Variants in CORO2B observed in about 807,000 individuals in gnomAD.
CORO2B encodes coronin-2B.
A neutral mutation model predicts 58.8 loss-of-function variants in CORO2B; 26 were observed. The ratio of observed to expected loss-of-function variants is 0.44; its 90% CI spans 0.32 to 0.61. The LOEUF is 0.61. Ranked by LOEUF, CORO2B falls within the 20% of genes least tolerant of loss-of-function variation. CORO2B has a pLI of 0.04. For synonymous variants in CORO2B, 242 were observed against 253.8 expected, an observed-to-expected ratio of 0.95 and a Z score of 0.44; for missense variants, 460 against 645.1, an observed-to-expected ratio of 0.71 and a Z score of 3.11.
Position 68,650,858 on chromosome 15 carries a change from T to TC in CORO2B, c.216+5499dup, listed in dbSNP as rs564529835. Among the ~76,000 whole-genome samples, 75 of 152,278 alleles carry TC rather than the reference T, an allele frequency of 4.9e-4. 1 individual carries two copies. The South Asian group carries it at 0.015, about 30-fold the overall frequency. ...GAGGCCCTACAGGCCAGAGAGGGGC[T>TC]CAGTGCAGGGTGTGCACTGGGTAAA... On this transcript the variant is annotated intron_variant, in intron 2 of 11. Transcript: ENST00000261861.
intron 2 of CORO2B, among the ~76,000 whole-genome samples, chr15:68,687,862 C>T (rs573122524): frequency 7.9e-5 from 12 of 152,356 alleles, no homozygotes; most frequent in African/African-American, 2.6e-4. Context: ...AACTAACCCA[C>T]TCCCAAGATA....
the CORO2B span, among the ~76,000 whole-genome samples, chr15:68,560,248 CTTTCT>C: frequency 3.9e-5 from 6 of 152,016 alleles, no homozygotes; most frequent in Admixed American, 3.9e-4. Flanking sequence ...CTTTCTTTCT[CTTTCT>C]TTTTTCTTTT....
chr15:68,548,865 T>A, the CORO2B span, among the ~76,000 whole-genome samples: 1 of 152,226 alleles, frequency 6.6e-6, no homozygotes, highest in Non-Finnish European at 1.5e-5. Flanking sequence ...ATATTCTTAG[T>A]CCATTTTTAT....
At chr15:68,707,306 ACT>A (rs553742622) in intron 3 of CORO2B, among the ~76,000 whole-genome samples, 56 of 152,242 alleles carry the variant, frequency 3.7e-4, no homozygotes, top group Non-Finnish European at 6.2e-4. Context: ...GCAGTCTCAG[ACT>A]CTGTGGGTTA....
chr15:68,709,583 A>C (rs891901184), intron 3 of CORO2B, among the ~76,000 whole-genome samples: 9 of 150,290 alleles, frequency 6.0e-5, no homozygotes, highest in African/African-American at 2.0e-4. Flanking sequence ...CAGCCTCCCG[A>C]GTAGCTGGGA....
chr15:68,615,325 G>C (rs371942469), intron 1 of CORO2B, among the ~76,000 whole-genome samples: 9 of 152,132 alleles, frequency 5.9e-5, no homozygotes, highest in African/African-American at 2.2e-4. Context: ...CATTTTCCCT[G>C]GACCAGGACT....
At chr15:68,609,723 C>T (rs1189951841) in intron 1 of CORO2B, among the ~76,000 whole-genome samples, 1 of 152,224 alleles carries the variant, frequency 6.6e-6, no homozygotes, top group Non-Finnish European at 1.5e-5. Flanking sequence ...TAACCAAAGG[C>T]ATGAAAGCTA....
In CORO2B at chr15:68,696,145, G is replaced by A. The variant is rs560926642; in HGVS notation, c.333+889G>A. 5.5e-3 allele frequency among the ~76,000 whole-genome samples: 832 copies of A among 151,744 alleles called. 2 individuals are homozygous for A. Among genetic ancestry groups the A allele is most frequent in the Non-Finnish European group, 9.8e-3 (666 of 67,916 alleles). On this transcript the variant is annotated intron_variant, in intron 3 of 11. Coordinates refer to ENST00000261861, the MANE Select transcript of CORO2B (RefSeq NM_006091.5). Reference sequence around the variant, plus strand: ...CACACCTGTAGTCCCAGCTACTAGGGAGGGTGAGGTGGGAGGATCACTTGA... The same window carrying A: ...CACACCTGTAGTCCCAGCTACTAGGAAGGGTGAGGTGGGAGGATCACTTGA...
chr15:68,546,953 AAATT>A, the CORO2B span, among the ~76,000 whole-genome samples: 8 of 152,222 alleles, frequency 5.3e-5, no homozygotes, highest in Non-Finnish European at 1.0e-4. Flanking sequence ...TTTGAAAAAT[AAATT>A]AATTTATGGC....
chr15:68,664,764 A>T (rs563935230), intron 2 of CORO2B, among the ~76,000 whole-genome samples: 2 of 152,348 alleles, frequency 1.3e-5, no homozygotes, highest in Admixed American at 1.3e-4. Flanking sequence ...CATTTTTATT[A>T]AAAATGAGGT....
chr15:68,686,222 G>C (rs899389493), intron 2 of CORO2B, among the ~76,000 whole-genome samples: 1 of 141,206 alleles, frequency 7.1e-6, no homozygotes, highest in African/African-American at 2.5e-5. Flanking sequence ...TTTTGGTAGA[G>C]AGGGGGTTCT....
the CORO2B span, among the ~76,000 whole-genome samples, chr15:68,522,140 C>A: frequency 6.6e-6 from 1 of 152,246 alleles, no homozygotes; most frequent in African/African-American, 2.4e-5. Flanking sequence ...ATTCTCTTTA[C>A]CTGTAATTTT....
intron 1 of CORO2B, 30 bp downstream of exon 1, chr15:68,579,307 A>C (rs966715114): frequency 2.4e-6 from 3 of 1,272,168 alleles, no homozygotes; most frequent in African/African-American, 3.2e-5. Flanking sequence ...CGCGCCCGGG[A>C]CCCGCCGGCG....
chr15:68,633,543 A>ACACACACACACACACACT (rs1035888776), intron 1 of CORO2B, among the ~76,000 whole-genome samples: 3 of 151,396 alleles, frequency 2.0e-5, no homozygotes, highest in Admixed American at 6.6e-5. Flanking sequence ...ACACACACAC[A>ACACACACACACACACACT]CACTCACTCC....
intron 1 of CORO2B, among the ~76,000 whole-genome samples, chr15:68,623,318 A>G (rs1406150763): frequency 6.6e-6 from 1 of 152,140 alleles, no homozygotes; most frequent in African/African-American, 2.4e-5. Context: ...TCGCCAGAGC[A>G]ATAGAGCAGG....
chr15:68,650,612 A>C (rs111694330), intron 2 of CORO2B, among the ~76,000 whole-genome samples: 1 of 152,196 alleles, frequency 6.6e-6, no homozygotes, highest in Non-Finnish European at 1.5e-5. Context: ...CTCCGTCTCA[A>C]AAACAAAAAC....
chr15:68,598,577 A>C (rs888145138), intron 1 of CORO2B, among the ~76,000 whole-genome samples: 3 of 152,216 alleles, frequency 2.0e-5, no homozygotes, highest in Admixed American at 2.0e-4. Context: ...GGTGAGCACC[A>C]GCATGCCTGT....
At chr15:68,681,248 T>C (rs1902771102) in intron 2 of CORO2B, among the ~76,000 whole-genome samples, 1 of 151,180 alleles carries the variant, frequency 6.6e-6, no homozygotes, top group African/African-American at 2.4e-5. Context: ...AAAGAAAAGC[T>C]GAGGGAAAAG....
At chr15:68,684,370 A>G (rs1376982755) in intron 2 of CORO2B, among the ~76,000 whole-genome samples, 4 of 152,246 alleles carry the variant, frequency 2.6e-5, no homozygotes, top group Non-Finnish European at 5.9e-5. Context: ...CAAAGCAAGC[A>G]GGGTCCTGAA....
Sources: allele counts gnomAD v4.1 joint callset (sites outside exome capture counted in the v4.1 genomes callset), GRCh38; gene constraint gnomAD v4.1.1; transcripts MANE v1.5; gene names NCBI Gene and HGNC (gene_info 2026-07-23, HGNC 2026-07-21).